Variants in UGGT2 observed in about 807,000 individuals in gnomAD.
The protein encoded by UGGT2 is UDP-glucose:glycoprotein glucosyltransferase 2.
UGGT2 carries 180 observed loss-of-function variants against 192.1 expected under a neutral mutation model. The observed-to-expected ratio is 0.94, with a 90% confidence interval of 0.83 to 1.06. The LOEUF (loss-of-function observed/expected upper bound fraction) is 1.06. Ranked by LOEUF, UGGT2 falls within the 50% of genes least tolerant of loss-of-function variation. UGGT2 has a pLI of 0.00. For missense variants in UGGT2, 1,849 were observed against 1,795.7 expected, an observed-to-expected ratio of 1.03 and a Z score of -0.54; for synonymous variants, 580 against 591.0, an observed-to-expected ratio of 0.98 and a Z score of 0.27.
chr13:95,899,244 T>C (rs574915814), intron 22 of UGGT2, among the ~76,000 whole-genome samples: 5 of 152,334 alleles, frequency 3.3e-5, no homozygotes, highest in Admixed American at 6.5e-5. Context: ...AATAAATTTA[T>C]GTTCTTTATA....
chr13:96,024,917 G>T (rs773318696), intron 2 of UGGT2, among the ~76,000 whole-genome samples: 9 of 152,174 alleles, frequency 5.9e-5, no homozygotes, highest in Non-Finnish European at 7.3e-5. Context: ...TTTGCTGATT[G>T]TGACAATGTT....
At chr13:96,049,884 C>T (rs2053433428) in intron 1 of UGGT2, among the ~76,000 whole-genome samples, 1 of 152,118 alleles carries the variant, frequency 6.6e-6, no homozygotes, top group Non-Finnish European at 1.5e-5. Flanking sequence ...GAATCAGTAT[C>T]GTGAAAACGG....
intron 36 of UGGT2, among the ~76,000 whole-genome samples, chr13:95,851,602 A>C (rs1484050123): frequency 3.3e-5 from 5 of 152,222 alleles, no homozygotes; most frequent in Admixed American, 2.6e-4. Flanking sequence ...GGAGAGGTTG[A>C]AAACATCCGT....
At chr13:96,005,629 G>A (rs576378016) in intron 5 of UGGT2, among the ~76,000 whole-genome samples, 4 of 152,262 alleles carry the variant, frequency 2.6e-5, no homozygotes, top group South Asian at 2.1e-4. Context: ...AAGGAAGGAC[G>A]GGAATACCTG....
chr13:96,028,537 T>G (rs1047573873), intron 2 of UGGT2, among the ~76,000 whole-genome samples: 60 of 152,228 alleles, frequency 3.9e-4, no homozygotes, highest in African/African-American at 1.4e-3. Flanking sequence ...ACTTGAATCT[T>G]GAAGCATCAA....
rs1268809347 is a variant in UGGT2 at position 95,875,513 on chromosome 13, G to C, written c.3473+1766C>G. On this transcript the variant is annotated intron_variant, in intron 29 of 38. Transcript: ENST00000376747. ...TGCTGGGATATACGTCATAATATAT[G>C]ATATGTGTACTGTATTAACTTTCCA... Among the ~76,000 whole-genome samples the C allele has an allele frequency of 5.3e-5, 8 of 152,126 alleles. No homozygotes were observed. The East Asian group carries it at 1.5e-3, about 29-fold the overall frequency.
At chr13:95,932,221 A>G (rs1428697175) in intron 17 of UGGT2, among the ~76,000 whole-genome samples, 1 of 152,064 alleles carries the variant, frequency 6.6e-6, no homozygotes, top group Non-Finnish European at 1.5e-5. Flanking sequence ...ATTTGTTTGC[A>G]TAATATATGA....
At chr13:95,809,053 G>C (rs950400787) in intron 38 of UGGT2, among the ~76,000 whole-genome samples, 2 of 152,148 alleles carry the variant, frequency 1.3e-5, no homozygotes, top group African/African-American at 4.8e-5. Context: ...ACCTAAGATA[G>C]TCAAAGCCTC....
chr13:95,838,063 A>C (rs1887495162), intron 36 of UGGT2, among the ~76,000 whole-genome samples: 1 of 152,218 alleles, frequency 6.6e-6, no homozygotes, highest in African/African-American at 2.4e-5. Flanking sequence ...AATCCCAAGA[A>C]TCAAGGGAAA....
rs899792073 is a variant in UGGT2 at position 95,843,971 on chromosome 13, T to C, written c.4285-6769A>G. On this transcript the variant is annotated intron_variant, in intron 36 of 38. Transcript: ENST00000376747. ...TTTTTTATTTATTTTTAATTATTTATTTTTTTGAGACAGAGTTTTGTTCTT... is the reference window on the plus strand; with the variant it reads ...TTTTTTATTTATTTTTAATTATTTACTTTTTTGAGACAGAGTTTTGTTCTT... Among the ~76,000 whole-genome samples, 17 of 152,252 alleles carry C rather than the reference T, an allele frequency of 1.1e-4. 1 individual carries two copies. Among genetic ancestry groups the C allele is most frequent in the South Asian group, 1.0e-3 (5 of 4,834 alleles).
intron 36 of UGGT2, among the ~76,000 whole-genome samples, chr13:95,844,080 C>G (rs1283311093): frequency 6.6e-6 from 1 of 152,114 alleles, no homozygotes; most frequent in Admixed American, 6.5e-5. Context: ...CCTGCCTCAG[C>G]CTCCCAAGTA....
chr13:96,003,758 T>A (rs1221533028), intron 5 of UGGT2, among the ~76,000 whole-genome samples: 1 of 152,134 alleles, frequency 6.6e-6, no homozygotes, highest in African/African-American at 2.4e-5. Context: ...AGCTCTAATC[T>A]AGTACTGAAT....
chr13:96,039,542 C>T (rs2053105693), intron 1 of UGGT2, among the ~76,000 whole-genome samples: 1 of 152,120 alleles, frequency 6.6e-6, no homozygotes, highest in Non-Finnish European at 1.5e-5. Flanking sequence ...GCACACATTC[C>T]CAACACTGAG....
chr13:96,008,854 T>C (rs2052066409), intron 5 of UGGT2, among the ~76,000 whole-genome samples: 1 of 152,226 alleles, frequency 6.6e-6, no homozygotes, highest in African/African-American at 2.4e-5. Flanking sequence ...ACCAATGACA[T>C]TCTTCACAGA....
chr13:95,900,893 C>A lies in UGGT2; in HGVS notation c.2548G>T (p.Val850Leu). ...AACTGGTGAGTTCGAAAAATATTCA[C>A]TCCAACAGTATTATATTTTTTCTCA... Reference protein sequence around the residue: ...AFEKKYNTVGVNIFRTHQLFC... With the variant: ...AFEKKYNTVGLNIFRTHQLFC... Residue 850 changes from valine to leucine, a missense_variant, in exon 22 of 39, where the codon GTG becomes TTG. Transcript: ENST00000376747. The A allele has an allele frequency of 6.2e-7, 1 of 1,609,912 alleles. No individual in the cohort carries two copies. The highest frequency in any genetic ancestry group is 1.3e-5 in the African/African-American group (1 of 74,940).
intron 20 of UGGT2, among the ~76,000 whole-genome samples, chr13:95,909,270 A>T (rs1230922796): frequency 6.6e-6 from 1 of 152,146 alleles, no homozygotes; most frequent in Non-Finnish European, 1.5e-5. Flanking sequence ...CCAAAGGACT[A>T]TGAATCATGC....
intron 33 of UGGT2, among the ~76,000 whole-genome samples, chr13:95,857,339 A>C (rs1889715206): frequency 6.6e-6 from 1 of 152,186 alleles, no homozygotes; most frequent in African/African-American, 2.4e-5. Flanking sequence ...ATCTAAGGGT[A>C]CATTAGTGAA....
At chr13:96,025,244 T>TA (rs2052628598) in intron 2 of UGGT2, among the ~76,000 whole-genome samples, 3 of 152,240 alleles carry the variant, frequency 2.0e-5, no homozygotes, top group East Asian at 3.9e-4. Context: ...GCTGACAAGA[T>TA]ACGTGGATTT....
At chr13:96,012,755 TG>T (rs2052203954) in intron 5 of UGGT2, among the ~76,000 whole-genome samples, 1 of 151,956 alleles carries the variant, frequency 6.6e-6, no homozygotes, top group Non-Finnish European at 1.5e-5. Context: ...TGTGTGTGTG[TG>T]TGTGTGTGCA....
Sources: gnomAD v4.1 joint callset for allele counts (sites outside exome capture counted in the v4.1 genomes callset) on GRCh38, gnomAD v4.1.1 for gene constraint, MANE v1.5 for transcripts, NCBI Gene and HGNC (gene_info 2026-07-23, HGNC 2026-07-21) for gene names.